The following CHD7 variants were observed in gnomAD, a reference collection of about 807,000 sequenced individuals.
The protein encoded by CHD7 is ATP-dependent chromatin remodeler CHD7.
In CHD7, 24 loss-of-function variants were observed where a neutral mutation model predicts 307.3. That is an observed-to-expected ratio of 0.08 (90% confidence interval 0.06 to 0.11). The LOEUF (loss-of-function observed/expected upper bound fraction) is 0.11. Ranked by LOEUF, CHD7 falls within the 10% of genes least tolerant of loss-of-function variation. The probability of loss-of-function intolerance (pLI) is 1.00; values close to 1 mark genes in which losing one functional copy is unlikely to be tolerated. For synonymous variants in CHD7, 1,363 were observed against 1,349.9 expected, an observed-to-expected ratio of 1.01 and a Z score of -0.21; for missense variants, 3,106 against 3,727.1, an observed-to-expected ratio of 0.83 and a Z score of 4.34.
chr8:60,683,266 A>G (rs1805721765), intron 1 of CHD7, among the ~76,000 whole-genome samples: 1 of 152,244 alleles, frequency 6.6e-6, no homozygotes. Flanking sequence ...ATGTTAAAAT[A>G]TAAAAGAAAT....
Position 60,841,900 on chromosome 8 carries a change from T to C in CHD7, c.4698T>C (p.Ser1566=), listed in dbSNP as rs748779011. Residue 1566 remains serine, a synonymous_variant, in exon 21 of 38, where the codon AGT becomes AGC. Coordinates refer to ENST00000423902, the MANE Select transcript of CHD7 (RefSeq NM_017780.4). The part of the protein sequence containing the change: ...PRVRKQTRLY[S]AVKEDELMEF... ...TGAGAAAGCAGACCAGGCTCTACAGTGCAGTGAAGGAAGATGAGCTGATGG... is the reference window on the plus strand; with the variant it reads ...TGAGAAAGCAGACCAGGCTCTACAGCGCAGTGAAGGAAGATGAGCTGATGG... 1 of 1,610,812 alleles carries C rather than the reference T, an allele frequency of 6.2e-7. No individual in the cohort carries two copies.
intron 2 of CHD7, among the ~76,000 whole-genome samples, chr8:60,763,407 G>A (rs978631340): frequency 1.9e-4 from 29 of 152,204 alleles, no homozygotes; most frequent in African/African-American, 7.0e-4. Flanking sequence ...AGACAGCATG[G>A]CTTGGTAGAA....
chr8:60,792,048 A>G (rs1362825985), intron 3 of CHD7, among the ~76,000 whole-genome samples: 1 of 152,194 alleles, frequency 6.6e-6, no homozygotes, highest in East Asian at 1.9e-4. Context: ...CTCATAATAA[A>G]TCTTGGAAGA....
chr8:60,701,891 TTCTGCACCCAGTGCCAA>T (rs1806781244), intron 1 of CHD7, among the ~76,000 whole-genome samples: 1 of 152,244 alleles, frequency 6.6e-6, no homozygotes, highest in South Asian at 2.1e-4. Flanking sequence ...TAGGGTTGTT[TTCTGCACCCAGTGCCAA>T]TCCTTAAGTT....
At chr8:60,833,720 C>T (rs1235812386) in intron 15 of CHD7, among the ~76,000 whole-genome samples, 2 of 152,158 alleles carry the variant, frequency 1.3e-5, no homozygotes, top group African/African-American at 4.8e-5. Flanking sequence ...TAATTTAGGA[C>T]GGAACCAACA....
At chr8:60,733,369 C>G (rs1808550091) in intron 1 of CHD7, among the ~76,000 whole-genome samples, 3 of 152,140 alleles carry the variant, frequency 2.0e-5, no homozygotes, top group South Asian at 4.1e-4. Flanking sequence ...TTGAGTACTT[C>G]AGGTGCTATT....
intron 2 of CHD7, among the ~76,000 whole-genome samples, chr8:60,746,874 C>T (rs903641097): frequency 1.3e-5 from 2 of 152,150 alleles, no homozygotes; most frequent in African/African-American, 2.4e-5. Flanking sequence ...ATAAGATTTA[C>T]AGGGAAGGGA....
rs1354123843 is a variant in CHD7, at chr8:60,760,839, A to AAAC, written c.1665+17744_1665+17746dup. ...GAATGGCAATCATTAAAAAGTCAGG[A>AAAC]AACAGGTGCTGGAGAGGATGTGGAG... On this transcript the variant is annotated intron_variant, in intron 2 of 37. Coordinates refer to ENST00000423902, the MANE Select transcript of CHD7 (RefSeq NM_017780.4). 3.6e-3 allele frequency among the ~76,000 whole-genome samples: 554 copies of AAAC among 151,806 alleles called. 2 individuals are homozygous for AAAC. Among genetic ancestry groups the AAAC allele is most frequent in the African/African-American group, 0.012 (509 of 41,302 alleles).
intron 1 of CHD7, among the ~76,000 whole-genome samples, chr8:60,693,872 C>G (rs1806324223): frequency 6.6e-6 from 1 of 152,222 alleles, no homozygotes; most frequent in African/African-American, 2.4e-5. Flanking sequence ...CCTGTGAGCC[C>G]CCATGGGGAA....
chr8:60,757,492 T>C (rs1237897206), intron 2 of CHD7, among the ~76,000 whole-genome samples: 1 of 152,244 alleles, frequency 6.6e-6, no homozygotes, highest in South Asian at 2.1e-4. Context: ...CAGGCATTTG[T>C]CACCTGGATG....
intron 1 of CHD7, among the ~76,000 whole-genome samples, chr8:60,681,918 A>G (rs1805649164): frequency 6.6e-6 from 1 of 152,200 alleles, no homozygotes; most frequent in African/African-American, 2.4e-5. Flanking sequence ...AGACTGGTAT[A>G]TGAATTTTAA....
intron 4 of CHD7, among the ~76,000 whole-genome samples, chr8:60,798,423 A>T (rs1812134091): frequency 6.6e-6 from 1 of 152,164 alleles, no homozygotes; most frequent in Admixed American, 6.5e-5. Context: ...ACAATATCTA[A>T]CTATCTATTT....
chr8:60,823,630 A>G (rs1370048281), intron 12 of CHD7, among the ~76,000 whole-genome samples: 1 of 152,184 alleles, frequency 6.6e-6, no homozygotes, highest in Non-Finnish European at 1.5e-5. Flanking sequence ...ATTAGATCCA[A>G]AATTTACTGA....
chr8:60,821,594 A>G (rs1041603158), intron 9 of CHD7, among the ~76,000 whole-genome samples, 196 bp from the exon 10 acceptor site: 1 of 151,210 alleles, frequency 6.6e-6, no homozygotes, highest in Admixed American at 6.6e-5. Context: ...AAGCATATAT[A>G]CACACATACA....
chr8:60,738,419 T>C (rs1808815543), intron 1 of CHD7, among the ~76,000 whole-genome samples: 1 of 152,222 alleles, frequency 6.6e-6, no homozygotes, highest in African/African-American at 2.4e-5. Context: ...AGCTCGCATT[T>C]GTGGCCCATT....
intron 1 of CHD7, among the ~76,000 whole-genome samples, chr8:60,693,338 T>C (rs908108698): frequency 6.6e-6 from 1 of 152,234 alleles, no homozygotes; most frequent in African/African-American, 2.4e-5. Context: ...CAAGTCCCTG[T>C]CTGTCTGCTG....
In CHD7 at chr8:60,789,314, G is replaced by T. The variant is rs117153837; in HGVS notation, c.2097-5672G>T. ...TTTCTTTATTCAGAAGTCTTTTCAG[G>T]ATATAAAGTGTAAGAATATGCTTTA... is the stretch of plus-strand genomic sequence containing the variant. On this transcript the variant is annotated intron_variant, in intron 3 of 37. Transcript: ENST00000423902. Among the ~76,000 whole-genome samples, 875 of 152,272 alleles carry T rather than the reference G, an allele frequency of 5.7e-3. 5 individuals are homozygous for T. The highest frequency in any genetic ancestry group is 9.3e-3 in the Non-Finnish European group (634 of 68,032).
At chr8:60,691,917 C>T (rs982442364) in intron 1 of CHD7, among the ~76,000 whole-genome samples, 2 of 152,034 alleles carry the variant, frequency 1.3e-5, no homozygotes, top group African/African-American at 4.8e-5. Flanking sequence ...ATTAGACAGT[C>T]GCTTAGGGTG....
intron 34 of CHD7, among the ~76,000 whole-genome samples, chr8:60,857,148 A>G (rs1394445916): frequency 1.3e-5 from 2 of 152,248 alleles, no homozygotes; most frequent in Non-Finnish European, 2.9e-5. Context: ...AGCCAAACCT[A>G]GAAACATGTT....
Sources: allele counts gnomAD v4.1 joint callset (sites outside exome capture counted in the v4.1 genomes callset), GRCh38; gene constraint gnomAD v4.1.1; transcripts MANE v1.5; gene names NCBI Gene and HGNC (gene_info 2026-07-23, HGNC 2026-07-21).